The following FEZ1 variants were observed in gnomAD, a reference collection of about 807,000 sequenced individuals.
FEZ1 encodes fasciculation and elongation protein zeta-1.
Under a neutral mutation model 49.3 loss-of-function variants are expected in FEZ1, and 20 were observed. The observed-to-expected ratio is 0.41, with a 90% CI of 0.29 to 0.59. The LOEUF (loss-of-function observed/expected upper bound fraction) is 0.59. Among genes scored for constraint, FEZ1 ranks in the 20% least tolerant of loss-of-function variants. The pLI, the probability that FEZ1 is intolerant of heterozygous loss-of-function variation, is 0.36. For synonymous variants in FEZ1, 170 were observed against 180.9 expected (o/e 0.94, Z 0.48); for missense variants, 413 against 476.0 (o/e 0.87, Z 1.23).
intron 8 of FEZ1, among the ~76,000 whole-genome samples, chr11:125,449,441 A>AAAAGAAGAAG (rs796507357): frequency 7.8e-6 from 1 of 128,152 alleles, no homozygotes; most frequent in African/African-American, 2.8e-5. Context: ...AAAAAAAAAA[A>AAAAGAAGAAG]AAGAAGAAGA....
At chr11:125,451,838 C>A (rs1431769377) in intron 8 of FEZ1, among the ~76,000 whole-genome samples, 1 of 152,164 alleles carries the variant, frequency 6.6e-6, no homozygotes, top group Non-Finnish European at 1.5e-5. Flanking sequence ...CAGTCACTTC[C>A]TGGAAGGAAA....
At chr11:125,463,607 C>A in intron 3 of FEZ1, 37 bp from the exon 4 acceptor site, 1 of 1,315,392 alleles carries the variant, frequency 7.6e-7, no homozygotes, top group Non-Finnish European at 1.1e-6. Flanking sequence ...TCTGGGTGAC[C>A]ATCAGCAGAA....
chr11:125,495,148 T>C lies in FEZ1; in HGVS notation c.-46+973A>G. 1 of 349,358 alleles carries C rather than the reference T, an allele frequency of 2.9e-6. No individual in the cohort carries two copies. The highest frequency in any genetic ancestry group is 2.2e-5 in the South Asian group (1 of 45,614). 21.6% of individuals were successfully genotyped at this position (349,358 alleles called of 1,614,324 possible). A position where few individuals can be genotyped will look rare whatever the true frequency, so the allele number is the denominator to read the frequency against. Reference sequence around the variant, plus strand: ...CCCTCCCCCTCCTCCCGCTGCTCCATTCACCTCCATCTCAGATCCCCCTCC... The same window carrying C: ...CCCTCCCCCTCCTCCCGCTGCTCCACTCACCTCCATCTCAGATCCCCCTCC... On this transcript the variant is annotated intron_variant, in intron 1 of 9. Coordinates refer to ENST00000278919, the MANE Select transcript of FEZ1 (RefSeq NM_005103.5). The surrounding 1 kb of genome is among the most constrained non-coding windows in gnomAD (Gnocchi z 4.2).
At position 125,454,215 on chromosome 11, in the gene FEZ1, G is replaced by T. The variant is rs1290635141; in HGVS notation, c.940-5C>A. 6.2e-7 allele frequency: 1 copy of T among 1,611,768 alleles called. No homozygotes were observed. Among genetic ancestry groups the T allele is most frequent in the South Asian group, 1.1e-5 (1 of 90,684 alleles). ...GATGCCTTCCATGCTGAAGCGCTGT[G>T]GGGGAGAGAGACTCAAGAAGGGCAA... On this transcript the variant is annotated splice_region_variant and splice_polypyrimidine_tract_variant and intron_variant, in intron 6 of 9. Transcript: ENST00000278919.
chr11:125,463,786 T>C (rs1441146797), intron 3 of FEZ1, among the ~76,000 whole-genome samples: 1 of 152,176 alleles, frequency 6.6e-6, no homozygotes, highest in Non-Finnish European at 1.5e-5. Flanking sequence ...CATGCAGCAC[T>C]GAATCCAACT....
intron 3 of FEZ1, among the ~76,000 whole-genome samples, chr11:125,464,620 C>T (rs1331688376): frequency 6.6e-6 from 1 of 152,198 alleles, no homozygotes; most frequent in African/African-American, 2.4e-5. Context: ...AGTCTATCCT[C>T]AGAAACTTCT....
intron 3 of FEZ1, among the ~76,000 whole-genome samples, chr11:125,477,016 CCA>C (rs1340327912): frequency 6.6e-6 from 1 of 151,944 alleles, no homozygotes; most frequent in Non-Finnish European, 1.5e-5. Flanking sequence ...AATGACCAGA[CCA>C]GTTTGTAGCA....
At chr11:125,472,718 C>T (rs887168755) in intron 3 of FEZ1, among the ~76,000 whole-genome samples, 2 of 151,950 alleles carry the variant, frequency 1.3e-5, no homozygotes, top group African/African-American at 4.8e-5. Context: ...TATTTTATGA[C>T]ATTAGAACAA....
rs1164500309 is a variant in FEZ1 at position 125,457,429 on chromosome 11, A to AAAAATAT, written c.668-1324_668-1323insATATTTT. 1.1e-3 allele frequency among the ~76,000 whole-genome samples: 24 copies of AAAAATAT among 20,906 alleles called. 1 individual carries two copies. The highest frequency in any genetic ancestry group is 1.3e-3 in the Non-Finnish European group (17 of 12,698). 13.7% of individuals were successfully genotyped at this position (20,906 alleles called of 152,430 possible). A position where few individuals can be genotyped will look rare whatever the true frequency, so the allele number is the denominator to read the frequency against. On this transcript the variant is annotated intron_variant, in intron 5 of 9. Transcript: ENST00000278919. ...AAAAAAAAAAAAAAAAAAAAAAAAA[A>AAAAATAT]ATATATATATATATATATATATGTA...
At chr11:125,448,998 G>C (rs1956923423) in intron 8 of FEZ1, among the ~76,000 whole-genome samples, 2 of 152,102 alleles carry the variant, frequency 1.3e-5, no homozygotes, top group South Asian at 4.2e-4. Flanking sequence ...CACAGCAAGA[G>C]CCACAGTGTT....
chr11:125,495,585 A>C lies in FEZ1; in HGVS notation c.-46+536T>G. The C allele has an allele frequency of 2.1e-6, 1 of 470,356 alleles. No individual in the cohort carries two copies. The highest frequency in any genetic ancestry group is 1.6e-5 in the South Asian group (1 of 64,514). 29.1% of individuals were successfully genotyped at this position (470,356 alleles called of 1,614,324 possible). On this transcript the variant is annotated intron_variant, in intron 1 of 9. Transcript: ENST00000278919. The surrounding 1 kb of genome is among the most constrained non-coding windows in gnomAD (Gnocchi z 4.2). ...ATGCGCGGTCTGGGGAAGGCTCCGCACTCTGGGGAGGGGCACGAGCGGGGT... is the reference window on the plus strand; with the variant it reads ...ATGCGCGGTCTGGGGAAGGCTCCGCCCTCTGGGGAGGGGCACGAGCGGGGT...
rs796507357 is a variant in FEZ1, at chr11:125,449,441, A to AAAAAG, written c.1097-875_1097-874insCTTTT. On this transcript the variant is annotated intron_variant, in intron 8 of 9. Transcript: ENST00000278919. ...ATAAAAAAAAAAAAAAAAAAAAAAA[A>AAAAAG]AAGAAGAAGAGGAAGAAAAGAAAAA... Among the ~76,000 whole-genome samples the AAAAAG allele has an allele frequency of 8.7e-4, 112 of 128,230 alleles. 6 individuals carry two copies. The highest frequency in any genetic ancestry group is 3.4e-3 in the East Asian group (12 of 3,516). 84.1% of individuals were successfully genotyped at this position (128,230 alleles called of 152,430 possible). A position where few individuals can be genotyped will look rare whatever the true frequency, so the allele number is the denominator to read the frequency against.
chr11:125,483,342 C>A (rs1191221742), intron 2 of FEZ1, among the ~76,000 whole-genome samples: 1 of 152,166 alleles, frequency 6.6e-6, no homozygotes, highest in Non-Finnish European at 1.5e-5. Context: ...AATGTAATGG[C>A]AGTGCTTGGG....
At chr11:125,474,191 A>ATTTTTTTTTTTTT (rs34135138) in intron 3 of FEZ1, among the ~76,000 whole-genome samples, 1 of 128,448 alleles carries the variant, frequency 7.8e-6, no homozygotes, top group African/African-American at 3.0e-5. Context: ...TGCCAGGCTA[A>ATTTTTTTTTTTTT]TTTTTTTTTT....
intron 6 of FEZ1, 107 bp from the exon 7 acceptor site, chr11:125,454,317 T>C: frequency 1.4e-6 from 1 of 728,346 alleles, no homozygotes; most frequent in South Asian, 1.8e-5. Flanking sequence ...CCCAGGGTTC[T>C]GTGACTAGAC....
Position 125,489,788 on chromosome 11 carries a change from C to T in FEZ1, c.-11G>A, listed in dbSNP as rs781365866. 4 of 1,523,448 alleles carry T rather than the reference C, an allele frequency of 2.6e-6. No homozygotes were observed. Among genetic ancestry groups the T allele is most frequent in the Non-Finnish European group, 3.5e-6 (4 of 1,138,320 alleles). 94.4% of individuals were successfully genotyped at this position (1,523,448 alleles called of 1,614,324 possible). Reference sequence around the variant, plus strand: ...CAGTGGGGCCTCCATTCTTGCTCAGCAGGAGAACAACAGCGACTTTCAGGA... The same window carrying T: ...CAGTGGGGCCTCCATTCTTGCTCAGTAGGAGAACAACAGCGACTTTCAGGA... On this transcript the variant is annotated 5_prime_UTR_variant, in exon 2 of 10. Coordinates refer to ENST00000278919, the MANE Select transcript of FEZ1 (RefSeq NM_005103.5). The surrounding 1 kb of genome is among the most constrained non-coding windows in gnomAD (Gnocchi z 4.2).
Position 125,444,644 on chromosome 11 carries a change from C to A in FEZ1, c.*1451G>T, listed in dbSNP as rs1372676865. ...AGGGCACTGGGAGTGCCTTCTGTGT[C>A]CCCTAGATGGATTCTGTGGCCTTCT... On this transcript the variant is annotated 3_prime_UTR_variant, in exon 10 of 10. Transcript: ENST00000278919. Among the ~76,000 whole-genome samples, 1 of 151,688 alleles carries A rather than the reference C, an allele frequency of 6.6e-6. No homozygotes were observed. Among genetic ancestry groups the A allele is most frequent in the South Asian group, 2.1e-4 (1 of 4,794 alleles).
chr11:125,478,812 G>C (rs568155318), intron 3 of FEZ1, among the ~76,000 whole-genome samples: 88 of 152,258 alleles, frequency 5.8e-4, no homozygotes, highest in Non-Finnish European at 9.8e-4. Context: ...AGGGAAATCT[G>C]GAAATGAGGA....
intron 3 of FEZ1, among the ~76,000 whole-genome samples, chr11:125,465,677 G>A (rs774400892): frequency 2.8e-4 from 42 of 152,100 alleles, no homozygotes; most frequent in Admixed American, 3.3e-4. Flanking sequence ...CATAAAATAC[G>A]GCCAAGAAAA....
Sources: gnomAD v4.1 joint callset for allele counts (sites outside exome capture counted in the v4.1 genomes callset) on GRCh38, gnomAD v4.1.1 for gene constraint, Gnocchi (gnomAD v3.1) non-coding constraint, MANE v1.5 for transcripts, NCBI Gene and HGNC (gene_info 2026-07-23, HGNC 2026-07-21) for gene names.